The following USP37 variants were observed in gnomAD, a reference collection of about 807,000 sequenced individuals.
USP37 encodes ubiquitin specific peptidase 37.
In USP37, 27 loss-of-function variants were observed where a neutral mutation model predicts 124.0. The observed-to-expected ratio is 0.22, with a 90% confidence interval of 0.16 to 0.30. The LOEUF (loss-of-function observed/expected upper bound fraction) is 0.30, where lower values mean the gene tolerates loss of function less well. Ranked by LOEUF, USP37 falls within the 10% of genes least tolerant of loss-of-function variation. USP37 has a pLI of 1.00. For synonymous variants in USP37, 365 were observed against 388.0 expected (o/e 0.94, Z 0.70); for missense variants, 889 against 1,140.4 (o/e 0.78, Z 3.17).
intron 5 of USP37, among the ~76,000 whole-genome samples, chr2:218,552,513 G>A (rs1692722534): frequency 6.6e-6 from 1 of 151,882 alleles, no homozygotes; most frequent in African/African-American, 2.4e-5. Flanking sequence ...CCAGGAGTTC[G>A]ATAACAGCCT....
chr2:218,508,356 G>C (rs1006892663), intron 11 of USP37, among the ~76,000 whole-genome samples: 4 of 151,440 alleles, frequency 2.6e-5, no homozygotes, highest in African/African-American at 9.7e-5. Context: ...CCTGGAAGAA[G>C]TCTAAAAAAG....
At chr2:218,505,466 G>C (rs866812190) in intron 11 of USP37, among the ~76,000 whole-genome samples, 1 of 152,166 alleles carries the variant, frequency 6.6e-6, no homozygotes, top group Admixed American at 6.5e-5. Flanking sequence ...ATTTTCTGTA[G>C]AGTCCTCAGG....
Position 218,549,805 on chromosome 2 carries a change from A to G in USP37, c.429+4T>C. On this transcript the variant is annotated splice_donor_region_variant and intron_variant, in intron 6 of 25. Transcript: ENST00000258399. ...AAATGCTAAAAAGATTCAAATGAAC[A>G]TACCTGATTGTCTGAGTAAGAAAGC... The G allele has an allele frequency of 6.2e-7, 1 of 1,611,422 alleles. No individual in the cohort carries two copies. Among genetic ancestry groups the G allele is most frequent in the South Asian group, 1.1e-5 (1 of 90,858 alleles).
intron 8 of USP37, among the ~76,000 whole-genome samples, chr2:218,544,408 T>A (rs11678736): frequency 0.014 from 1,045 of 76,760 alleles, 9 homozygotes; most frequent in East Asian, 0.034. Flanking sequence ...AAAAAAAAAA[T>A]ATATATATAT....
chr2:218,485,655 A>AAC lies in USP37; in HGVS notation c.1670+8_1670+9insGT. 6.4e-7 allele frequency: 1 copy of AAC among 1,569,822 alleles called. No homozygotes were observed. Among genetic ancestry groups the AAC allele is most frequent in the Non-Finnish European group, 8.6e-7 (1 of 1,166,986 alleles). The stretch of plus-strand genomic sequence containing the variant: ...CATAGCAAAAAAAAAAAAAAAAAAA[A>AAC]AAAATTACCTAGGAAGCCTGTTAAA... On this transcript the variant is annotated intron_variant, in intron 16 of 25. Transcript: ENST00000258399.
intron 10 of USP37, among the ~76,000 whole-genome samples, chr2:218,524,768 C>T (rs1690863083): frequency 1.3e-5 from 2 of 152,188 alleles, no homozygotes; most frequent in Non-Finnish European, 2.9e-5. Flanking sequence ...CACCACCACG[C>T]CTGCCTAATT....
chr2:218,559,774 G>A (rs1693216936), intron 3 of USP37, among the ~76,000 whole-genome samples: 1 of 151,996 alleles, frequency 6.6e-6, no homozygotes, highest in Non-Finnish European at 1.5e-5. Context: ...GGATGAGGTG[G>A]GCAGACTGCT....
intron 14 of USP37, among the ~76,000 whole-genome samples, chr2:218,494,343 G>C (rs1688959756): frequency 6.6e-6 from 1 of 152,224 alleles, no homozygotes; most frequent in Non-Finnish European, 1.5e-5. Flanking sequence ...GAATGGAAAA[G>C]AAGCAGTATT....
intron 21 of USP37, among the ~76,000 whole-genome samples, chr2:218,464,095 A>C (rs1690181013): frequency 6.6e-6 from 1 of 151,186 alleles, no homozygotes; most frequent in Non-Finnish European, 1.5e-5. Flanking sequence ...TTGATCTTGC[A>C]ATCTGCCTGC....
intron 18 of USP37, among the ~76,000 whole-genome samples, chr2:218,478,315 T>A (rs1353864614): frequency 6.6e-6 from 1 of 152,140 alleles, no homozygotes; most frequent in Non-Finnish European, 1.5e-5. Flanking sequence ...CAATTAGCCA[T>A]CTTAATTCCT....
chr2:218,563,326 C>T (rs758912170), intron 1 of USP37, among the ~76,000 whole-genome samples: 30 of 152,138 alleles, frequency 2.0e-4, no homozygotes, highest in Admixed American at 2.0e-4. Flanking sequence ...ATCTGCTGTG[C>T]ATAATGAGGG....
At position 218,549,829 on chromosome 2, in the gene USP37, G is replaced by A. The variant is rs769052426; in HGVS notation, c.409C>T (p.Leu137Phe). 2 of 1,612,918 alleles carry A rather than the reference G, an allele frequency of 1.2e-6. No individual in the cohort carries two copies. The highest frequency in any genetic ancestry group is 1.1e-5 in the South Asian group (1 of 90,936). The change falls in exon 6 of 26, where the codon CTT (leucine) becomes TTT (phenylalanine). Residue 137 changes from leucine to phenylalanine, a missense_variant. Physicochemically the swap from Leu to Phe is conservative, Grantham distance 22. This residue lies in a region of USP37 where 374 missense variants were observed against 386.0 expected (regional missense o/e 0.97). Transcript: ENST00000258399. ...RTSQKETSRQ[L>F]SYSDNQASAK... ...CATACCTGATTGTCTGAGTAAGAAA[G>A]CTGCCTGCTGGTTTCCTTCTGTGAG...
intron 11 of USP37, among the ~76,000 whole-genome samples, chr2:218,505,435 A>T (rs1559193113): frequency 6.6e-6 from 1 of 152,134 alleles, no homozygotes. Flanking sequence ...TTCTCCAGTT[A>T]CTCTTGGACG....
chr2:218,496,021 T>C, intron 13 of USP37, 71 bp from the exon 14 acceptor site: 2 of 1,451,798 alleles, frequency 1.4e-6, no homozygotes, highest in South Asian at 1.3e-5. Context: ...AGGCTGGGTG[T>C]TGTGCCTCAT....
Position 218,547,039 on chromosome 2 carries a change from T to G in USP37, c.482A>C (p.Lys161Thr). The G allele has an allele frequency of 6.2e-7, 1 of 1,611,692 alleles. No homozygotes were observed. Among genetic ancestry groups the G allele is most frequent in the South Asian group, 1.1e-5 (1 of 90,316 alleles). The stretch of plus-strand genomic sequence containing the variant: ...TCCTCTACCCGGATTACCAAGAACT[T>G]TTCGAAATGGAATATCATCTTTAGT... ...LETKDDIPFR[K>T]VLGNPGRGSI... The change falls in exon 7 of 26, where the codon AAA (lysine) becomes ACA (threonine). Residue 161 changes from lysine to threonine, a missense_variant. Coordinates refer to ENST00000258399, the MANE Select transcript of USP37 (RefSeq NM_020935.3).
At chr2:218,457,223 T>G (rs2106403787) in intron 23 of USP37, 62 bp from the exon 24 acceptor site, 8 of 1,452,280 alleles carry the variant, frequency 5.5e-6, no homozygotes, top group Non-Finnish European at 7.6e-6. Flanking sequence ...AAACACTGAA[T>G]ATAAATTTAT....
At chr2:218,517,083 T>C (rs983952481) in intron 10 of USP37, among the ~76,000 whole-genome samples, 2 of 152,180 alleles carry the variant, frequency 1.3e-5, no homozygotes, top group African/African-American at 2.4e-5. Flanking sequence ...AGAAACAAAT[T>C]ATGAACTAGA....
At chr2:218,525,347 G>A (rs2106019127) in intron 10 of USP37, among the ~76,000 whole-genome samples, 1 of 152,252 alleles carries the variant, frequency 6.6e-6, no homozygotes, top group Admixed American at 6.5e-5. Flanking sequence ...GCCAGGTGTG[G>A]TGGCACACAC....
In USP37 at chr2:218,527,584, A is replaced by G. The variant is rs1040848420; in HGVS notation, c.863+2372T>C. ...ATCTCTCAGTGCAGCTTTGCACTAA[A>G]AAGATTTCTTTCCTCAATCATTCCT... is the stretch of plus-strand genomic sequence containing the variant. On this transcript the variant is annotated intron_variant, in intron 10 of 25. Transcript: ENST00000258399. Among the ~76,000 whole-genome samples, 10 of 152,334 alleles carry G rather than the reference A, an allele frequency of 6.6e-5. No homozygotes were observed. The East Asian group carries it at 1.3e-3, about 21-fold the overall frequency.
Sources: allele counts gnomAD v4.1 joint callset (sites outside exome capture counted in the v4.1 genomes callset), GRCh38; gene constraint gnomAD v4.1.1; regional missense constraint gnomAD v4.1.1; transcripts MANE v1.5; gene names NCBI Gene and HGNC (gene_info 2026-07-23, HGNC 2026-07-21).